Variants in SHANK2 observed in about 807,000 individuals in gnomAD.
SHANK2 encodes SH3 and multiple ankyrin repeat domains 2.
SHANK2 carries 43 observed loss-of-function variants against 133.7 expected under a neutral mutation model. The observed-to-expected ratio is 0.32, with a 90% CI of 0.25 to 0.41. The LOEUF is 0.41. Among genes scored for constraint, SHANK2 ranks in the 10% least tolerant of loss-of-function variants. The pLI is 1.00. For synonymous variants in SHANK2, 1,017 were observed against 952.8 expected (o/e 1.07, Z -1.24); for missense variants, 1,994 against 2,235.8 (o/e 0.89, Z 2.18).
At chr11:70,787,679 A>G (rs1555047000) in intron 14 of SHANK2, among the ~76,000 whole-genome samples, 1 of 151,190 alleles carries the variant, frequency 6.6e-6, no homozygotes, top group Non-Finnish European at 1.5e-5. Flanking sequence ...CAGCATCACC[A>G]TGGCTGCCAT....
chr11:71,090,976 T>G (rs749096987), intron 8 of SHANK2, among the ~76,000 whole-genome samples: 2 of 151,414 alleles, frequency 1.3e-5, no homozygotes, highest in African/African-American at 2.4e-5. Flanking sequence ...CAAAGTCCAC[T>G]GATTTAAATG....
rs1031721765 is a variant in SHANK2, at chr11:71,236,381, G to C, written c.-112-11585C>G. On this transcript the variant is annotated intron_variant, in intron 1 of 25. Transcript: ENST00000601538. Reference sequence around the variant, plus strand: ...CCCAGCACTTTGGGAGGCTGAGAAGGCTGGCAGATCACTTAAAGTCAGGAG... The same window carrying C: ...CCCAGCACTTTGGGAGGCTGAGAAGCCTGGCAGATCACTTAAAGTCAGGAG... Among the ~76,000 whole-genome samples, 27 of 152,210 alleles carry C rather than the reference G, an allele frequency of 1.8e-4. 1 individual carries two copies. The highest frequency in any genetic ancestry group is 5.5e-4 in the African/African-American group (23 of 41,452).
chr11:70,951,908 C>G (rs1431725906), intron 10 of SHANK2, among the ~76,000 whole-genome samples: 8 of 152,228 alleles, frequency 5.3e-5, no homozygotes, highest in Non-Finnish European at 1.0e-4. Context: ...TCTCTTTTCG[C>G]TTTTCTTAAG....
chr11:70,556,762 T>C lies in SHANK2; in HGVS notation c.2062-53831A>G, dbSNP rs577357128. ...ATGTGCTACCACGTCCAGCTAATTT[T>C]TGTATTTTTAGTAGAGATGGGGTTT... is the stretch of plus-strand genomic sequence containing the variant. On this transcript the variant is annotated intron_variant, in intron 17 of 25. Transcript: ENST00000601538. 1.1e-4 allele frequency among the ~76,000 whole-genome samples: 16 copies of C among 152,174 alleles called. No homozygotes were observed. In the South Asian group the frequency reaches 3.3e-3, roughly 32 times the overall value.
At chr11:71,231,246 TA>T (rs1555122915) in intron 1 of SHANK2, among the ~76,000 whole-genome samples, 1 of 152,046 alleles carries the variant, frequency 6.6e-6, no homozygotes, top group African/African-American at 2.4e-5. Flanking sequence ...ACAATCCACT[TA>T]AAAGAGCAAA....
intron 10 of SHANK2, among the ~76,000 whole-genome samples, chr11:70,953,253 G>A (rs1424205674): frequency 2.6e-5 from 4 of 152,092 alleles, no homozygotes; most frequent in Non-Finnish European, 1.5e-5. Context: ...CCTCCGAAGT[G>A]AGTGTATTAA....
rs1555148574 is a variant in SHANK2, at chr11:70,471,651, T to C, written c.*1218A>G. The C allele has an allele frequency of 1.1e-5, 4 of 367,250 alleles. No individual in the cohort carries two copies. The highest frequency in any genetic ancestry group is 6.2e-5 in the African/African-American group (3 of 48,054). The allele number at this position is 367,250 out of a possible 1,614,324, so 22.7% of individuals were successfully genotyped here. A position where few individuals can be genotyped will look rare whatever the true frequency, so the allele number is the denominator to read the frequency against. The stretch of plus-strand genomic sequence containing the variant: ...ACCCACTGGGTCCTCAAAGAAGCTG[T>C]TGTACTGTTAAGACAAGCTGGTGGG... On this transcript the variant is annotated 3_prime_UTR_variant, in exon 26 of 26. Transcript: ENST00000601538. The surrounding 1 kb of genome is among the most constrained non-coding windows in gnomAD (Gnocchi z 4.1).
intron 11 of SHANK2, among the ~76,000 whole-genome samples, chr11:70,822,525 G>C (rs960568670): frequency 1.3e-4 from 19 of 151,776 alleles, no homozygotes; most frequent in Non-Finnish European, 2.2e-4. Context: ...CAGAGTTCAT[G>C]AGGGACAGAG....
intron 14 of SHANK2, 104 bp from the exon 15 acceptor site, chr11:70,698,867 A>C: frequency 2.8e-6 from 2 of 707,664 alleles, no homozygotes; most frequent in Non-Finnish European, 5.2e-6. Flanking sequence ...ACTCCCCAAA[A>C]TGTGAGATGC....
chr11:70,713,467 T>C (rs1368830210), intron 14 of SHANK2, among the ~76,000 whole-genome samples: 2 of 152,162 alleles, frequency 1.3e-5, no homozygotes, highest in Non-Finnish European at 2.9e-5. Flanking sequence ...GGCTTGGGCG[T>C]GGAGCAGCCA....
intron 11 of SHANK2, among the ~76,000 whole-genome samples, chr11:70,853,402 G>A (rs1396096505): frequency 6.6e-6 from 1 of 152,216 alleles, no homozygotes; most frequent in Non-Finnish European, 1.5e-5. Flanking sequence ...CTGCAGTGAG[G>A]CTGAGTGCGT....
At chr11:71,161,551 C>T (rs1349654253) in intron 2 of SHANK2, among the ~76,000 whole-genome samples, 1 of 152,202 alleles carries the variant, frequency 6.6e-6, no homozygotes, top group Non-Finnish European at 1.5e-5. Flanking sequence ...AACCCCTTAT[C>T]TTAACCCAGA....
chr11:70,887,777 A>G (rs1949769418), intron 11 of SHANK2, among the ~76,000 whole-genome samples: 1 of 152,152 alleles, frequency 6.6e-6, no homozygotes, highest in Non-Finnish European at 1.5e-5. Flanking sequence ...TGAAGCACCA[A>G]CATCCACCCC....
intron 3 of SHANK2, among the ~76,000 whole-genome samples, chr11:71,122,460 C>T (rs1196330338): frequency 6.6e-6 from 1 of 152,116 alleles, no homozygotes; most frequent in African/African-American, 2.4e-5. Context: ...AACACTTGGA[C>T]ACAGGGCAGG....
At chr11:71,120,296 G>A (rs1270764137) in intron 3 of SHANK2, among the ~76,000 whole-genome samples, 1 of 152,202 alleles carries the variant, frequency 6.6e-6, no homozygotes, top group Non-Finnish European at 1.5e-5. Flanking sequence ...ATATTCTACT[G>A]AACAGCTGTC....
chr11:70,568,217 C>T (rs147300378), intron 17 of SHANK2, among the ~76,000 whole-genome samples: 193 of 152,350 alleles, frequency 1.3e-3, no homozygotes, highest in African/African-American at 4.6e-3. Context: ...GAGACTTAAG[C>T]TGAGGAGGCT....
chr11:70,941,143 A>G (rs568034944), intron 10 of SHANK2, among the ~76,000 whole-genome samples: 1 of 152,322 alleles, frequency 6.6e-6, no homozygotes, highest in South Asian at 2.1e-4. Context: ...AACATGCAGA[A>G]CATTCAAGGA....
chr11:70,954,910 C>T (rs1555087440), intron 10 of SHANK2, among the ~76,000 whole-genome samples: 1 of 152,256 alleles, frequency 6.6e-6, no homozygotes, highest in South Asian at 2.1e-4. Flanking sequence ...GTGACCTGGG[C>T]TCTTCATCCA....
intron 3 of SHANK2, among the ~76,000 whole-genome samples, chr11:71,136,042 G>A (rs1256557450): frequency 6.6e-6 from 1 of 152,172 alleles, no homozygotes; most frequent in African/African-American, 2.4e-5. Context: ...AGCTCAGGAG[G>A]ACGCCTACAT....
Sources: allele counts gnomAD v4.1 joint callset (sites outside exome capture counted in the v4.1 genomes callset), GRCh38; gene constraint gnomAD v4.1.1; non-coding constraint Gnocchi (gnomAD v3.1); transcripts MANE v1.5; gene names NCBI Gene and HGNC (gene_info 2026-07-23, HGNC 2026-07-21).